Variants in SLIT3 observed in about 807,000 individuals in gnomAD.
SLIT3 encodes slit guidance ligand 3, also known as slit homolog 3 protein.
In SLIT3, 68 loss-of-function variants were observed where a neutral mutation model predicts 184.0. The observed-to-expected ratio is 0.37, with a 90% CI of 0.30 to 0.45. The LOEUF is 0.45. Among genes scored for constraint, SLIT3 ranks in the 20% least tolerant of loss-of-function variants. SLIT3 has a pLI of 1.00. For missense variants in SLIT3, 1,707 were observed against 2,026.0 expected, an observed-to-expected ratio of 0.84 and a Z score of 3.02; for synonymous variants, 831 against 828.6, an observed-to-expected ratio of 1.00 and a Z score of -0.05.
At chr5:168,742,820 G>A (rs1235431398) in intron 20 of SLIT3, among the ~76,000 whole-genome samples, 1 of 149,812 alleles carries the variant, frequency 6.7e-6, no homozygotes, top group African/African-American at 2.5e-5. Flanking sequence ...GGAAGATACC[G>A]GGCTCTAGGG....
chr5:168,998,690 C>A (rs1280683236), intron 4 of SLIT3, among the ~76,000 whole-genome samples: 1 of 142,624 alleles, frequency 7.0e-6, no homozygotes, highest in South Asian at 2.2e-4. Context: ...GGCGACAGAG[C>A]AAGACTCCAT....
At chr5:168,690,138 CTT>C (rs1341234574) in intron 29 of SLIT3, among the ~76,000 whole-genome samples, 15 of 138,070 alleles carry the variant, frequency 1.1e-4, no homozygotes, top group Admixed American at 1.5e-4. Context: ...TGTTTTCTTT[CTT>C]TTTTTTTTTT....
At chr5:169,130,485 A>G (rs1484204437) in intron 4 of SLIT3, among the ~76,000 whole-genome samples, 1 of 152,188 alleles carries the variant, frequency 6.6e-6, no homozygotes, top group Non-Finnish European at 1.5e-5. Flanking sequence ...ATTTCCTCAT[A>G]TGTAAAAATG....
At chr5:168,877,898 T>G (rs1420647430) in intron 5 of SLIT3, among the ~76,000 whole-genome samples, 3 of 152,226 alleles carry the variant, frequency 2.0e-5, no homozygotes, top group African/African-American at 7.2e-5. Context: ...TTTGTCTTTT[T>G]CTTATTAGGC....
At chr5:168,913,748 A>G (rs1761336602) in intron 4 of SLIT3, among the ~76,000 whole-genome samples, 1 of 151,488 alleles carries the variant, frequency 6.6e-6, no homozygotes, top group Non-Finnish European at 1.5e-5. Flanking sequence ...TCTCAAAAAA[A>G]AAAACAAACA....
intron 1 of SLIT3, among the ~76,000 whole-genome samples, chr5:169,298,408 G>T (rs1767579670): frequency 6.6e-6 from 1 of 152,094 alleles, no homozygotes; most frequent in African/African-American, 2.4e-5. Flanking sequence ...TGGCATGCTG[G>T]CATGGGTGCG....
chr5:168,897,242 C>T (rs4573011), intron 4 of SLIT3, among the ~76,000 whole-genome samples: 73,439 of 151,868 alleles, frequency 0.48, 17,972 homozygotes, highest in Non-Finnish European at 0.52. Flanking sequence ...CCTCTGCAAG[C>T]GGACCCAGCT....
chr5:169,198,175 C>T (rs1763799672), intron 3 of SLIT3, among the ~76,000 whole-genome samples: 2 of 152,182 alleles, frequency 1.3e-5, no homozygotes, highest in South Asian at 2.1e-4. Context: ...AGATACAGCC[C>T]CTTCTTTTAA....
intron 1 of SLIT3, among the ~76,000 whole-genome samples, chr5:169,295,787 G>A (rs1001829922): frequency 3.9e-5 from 6 of 152,060 alleles, no homozygotes; most frequent in Admixed American, 3.3e-4. Context: ...AATCAAAACG[G>A]CAAAAATGCA....
At chr5:169,097,873 G>A (rs1274005123) in intron 4 of SLIT3, among the ~76,000 whole-genome samples, 3 of 152,188 alleles carry the variant, frequency 2.0e-5, no homozygotes, top group African/African-American at 4.8e-5. Context: ...TTTCCAGTCC[G>A]TTTCATGCCA....
At chr5:169,284,351 A>G (rs1002477148) in intron 1 of SLIT3, among the ~76,000 whole-genome samples, 3 of 152,228 alleles carry the variant, frequency 2.0e-5, no homozygotes, top group Admixed American at 2.0e-4. Context: ...TCTCTATCCC[A>G]TGAGGGTATC....
intron 2 of SLIT3, among the ~76,000 whole-genome samples, chr5:169,246,664 T>C (rs572672526): frequency 6.6e-6 from 1 of 152,214 alleles, no homozygotes; most frequent in African/African-American, 2.4e-5. Context: ...CTTACTCCTG[T>C]AATACCAGCA....
intron 4 of SLIT3, among the ~76,000 whole-genome samples, chr5:169,104,697 C>T (rs1760138229): frequency 6.6e-6 from 1 of 152,126 alleles, no homozygotes; most frequent in Non-Finnish European, 1.5e-5. Context: ...AGGGGCGCTT[C>T]GTGGATCCAC....
rs112685844 is a variant in SLIT3 at position 168,915,342 on chromosome 5, G to A, written c.414-32006C>T. Reference sequence around the variant, plus strand: ...CTTAGGATGCCAAATTATCAGTGACGGGTGATTGCTGCTAGTGAGGGTAGA... The same window carrying A: ...CTTAGGATGCCAAATTATCAGTGACAGGTGATTGCTGCTAGTGAGGGTAGA... On this transcript the variant is annotated intron_variant, in intron 4 of 35. Coordinates refer to ENST00000519560, the MANE Select transcript of SLIT3 (RefSeq NM_003062.4). Among the ~76,000 whole-genome samples the A allele has an allele frequency of 1.9e-3, 296 of 152,214 alleles. 2 individuals are homozygous for A. Among genetic ancestry groups the A allele is most frequent in the African/African-American group, 6.7e-3 (278 of 41,568 alleles).
chr5:169,236,453 C>T (rs558193651), intron 3 of SLIT3, among the ~76,000 whole-genome samples: 7 of 150,314 alleles, frequency 4.7e-5, no homozygotes, highest in African/African-American at 1.5e-4. Flanking sequence ...CTCTTGCTGA[C>T]AGAGCAAGAA....
chr5:168,953,542 G>A (rs903063108), intron 4 of SLIT3, among the ~76,000 whole-genome samples: 3 of 152,172 alleles, frequency 2.0e-5, no homozygotes, highest in East Asian at 3.8e-4. Context: ...GTTCTCCTCC[G>A]TAACGTGAAG....
chr5:168,714,372 G>GGGCA (rs1301831163), intron 23 of SLIT3, among the ~76,000 whole-genome samples: 8 of 152,162 alleles, frequency 5.3e-5, no homozygotes, highest in African/African-American at 1.9e-4. Context: ...AAGGACCCAA[G>GGGCA]GGCAGCTTTA....
Position 168,748,206 on chromosome 5 carries a change from C to G in SLIT3, c.2270+96G>C, listed in dbSNP as rs548945649. The G allele has an allele frequency of 2.9e-5, 40 of 1,357,434 alleles. No homozygotes were observed. In the African/African-American group the frequency reaches 4.4e-4, roughly 15 times the overall value. 84.1% of individuals were successfully genotyped at this position (1,357,434 alleles called of 1,614,324 possible). Reference sequence around the variant, plus strand: ...AAGTAGGGTCTCCCCCCGGCAGTTTCGCCATGTTGCCTTGCTTGAGATTCT... The same window carrying G: ...AAGTAGGGTCTCCCCCCGGCAGTTTGGCCATGTTGCCTTGCTTGAGATTCT... On this transcript the variant is annotated intron_variant, in intron 20 of 35. Transcript: ENST00000519560.
At chr5:169,063,055 C>T (rs1581366286) in intron 4 of SLIT3, among the ~76,000 whole-genome samples, 1 of 152,206 alleles carries the variant, frequency 6.6e-6, no homozygotes, top group South Asian at 2.1e-4. Flanking sequence ...CATTTGGGTG[C>T]ATTTGCTGGT....
Sources: allele counts gnomAD v4.1 joint callset (sites outside exome capture counted in the v4.1 genomes callset), GRCh38; gene constraint gnomAD v4.1.1; transcripts MANE v1.5; gene names NCBI Gene and HGNC (gene_info 2026-07-23, HGNC 2026-07-21).